The following DRC1 variants were observed in gnomAD, a reference collection of about 807,000 sequenced individuals.
The protein encoded by DRC1 is dynein regulatory complex protein 1.
In DRC1, 74 loss-of-function variants were observed where a neutral mutation model predicts 98.7. That is an observed-to-expected ratio of 0.75 (90% confidence interval 0.62 to 0.91). DRC1 has a LOEUF of 0.91. DRC1 is among the 40% of genes least tolerant of loss of function. DRC1 has a pLI of 0.00. For synonymous variants in DRC1, 336 were observed against 334.1 expected (o/e 1.01, Z -0.06); for missense variants, 875 against 886.0 (o/e 0.99, Z 0.16).
intron 8 of DRC1, among the ~76,000 whole-genome samples, chr2:26,441,936 A>G (rs1212186553): frequency 2.0e-5 from 3 of 152,232 alleles, no homozygotes; most frequent in Admixed American, 6.5e-5. Flanking sequence ...GCATTTCACA[A>G]TTTGACATAT....
intron 7 of DRC1, among the ~76,000 whole-genome samples, chr2:26,439,902 CT>C (rs1663666010): frequency 2.8e-5 from 1 of 35,696 alleles, no homozygotes; most frequent in Non-Finnish European, 8.5e-5. Context: ...GGCCCACAAG[CT>C]AGGGCCAACT....
chr2:26,402,952 C>T (rs907716807), intron 1 of DRC1, among the ~76,000 whole-genome samples: 28 of 152,220 alleles, frequency 1.8e-4, no homozygotes, highest in Admixed American at 8.5e-4. Flanking sequence ...CATATGGCCT[C>T]TTTCCTAGCT....
At chr2:26,430,959 T>TC in intron 6 of DRC1, 87 bp downstream of exon 6, 1 of 305,690 alleles carries the variant, frequency 3.3e-6, no homozygotes, top group Non-Finnish European at 4.1e-6. Flanking sequence ...TTTTTCTATC[T>TC]TTTTTTTTTT....
chr2:26,416,150 T>C (rs1330127302), intron 2 of DRC1, among the ~76,000 whole-genome samples: 3 of 152,144 alleles, frequency 2.0e-5, no homozygotes, highest in Non-Finnish European at 4.4e-5. Flanking sequence ...CAAGGAGAAA[T>C]GTACACAAAA....
chr2:26,418,579 TA>T (rs1296921986), intron 2 of DRC1, among the ~76,000 whole-genome samples: 54 of 104,988 alleles, frequency 5.1e-4, no homozygotes, highest in African/African-American at 2.3e-3. Context: ...ATATATTATA[TA>T]TAAATTATAT....
intron 4 of DRC1, among the ~76,000 whole-genome samples, 168 bp downstream of exon 4, chr2:26,424,622 A>C (rs1188316532): frequency 6.6e-6 from 1 of 152,218 alleles, no homozygotes; most frequent in Non-Finnish European, 1.5e-5. Context: ...TAAGAAACAC[A>C]TAGCATTAAA....
chr2:26,436,371 T>A (rs1195101403), intron 7 of DRC1, among the ~76,000 whole-genome samples: 1 of 152,166 alleles, frequency 6.6e-6, no homozygotes, highest in African/African-American at 2.4e-5. Context: ...TGCAGTGGCA[T>A]GATCTCGGCT....
At chr2:26,408,387 T>C (rs544033303) in intron 1 of DRC1, among the ~76,000 whole-genome samples, 1 of 152,232 alleles carries the variant, frequency 6.6e-6, no homozygotes, top group East Asian at 1.9e-4. Flanking sequence ...CACCAGTTCC[T>C]GGAATGGTGG....
intron 1 of DRC1, among the ~76,000 whole-genome samples, chr2:26,409,841 G>C (rs2147977204): frequency 6.6e-6 from 1 of 152,210 alleles, no homozygotes. Flanking sequence ...TCATGAGTCA[G>C]TAACTGAGGA....
At chr2:26,423,633 G>A (rs931583709) in intron 3 of DRC1, among the ~76,000 whole-genome samples, 7 of 152,174 alleles carry the variant, frequency 4.6e-5, no homozygotes, top group African/African-American at 1.4e-4. Flanking sequence ...CATTCCACTA[G>A]TCATTTATTG....
chr2:26,442,888 A>C (rs991669475), intron 8 of DRC1, among the ~76,000 whole-genome samples: 1 of 152,142 alleles, frequency 6.6e-6, no homozygotes, highest in Non-Finnish European at 1.5e-5. Flanking sequence ...TATCTTGCCC[A>C]GACCTTCAGT....
Position 26,425,851 on chromosome 2 carries a change from C to T in DRC1, c.540+1397C>T, listed in dbSNP as rs78727306. Reference sequence around the variant, plus strand: ...TGATTTTCAATTATGATTTCCTATTCCGTATATTGCCTTCTTAGTCTTGAT... The same window carrying T: ...TGATTTTCAATTATGATTTCCTATTTCGTATATTGCCTTCTTAGTCTTGAT... On this transcript the variant is annotated intron_variant, in intron 4 of 16. Transcript: ENST00000288710. Among the ~76,000 whole-genome samples the T allele has an allele frequency of 4.1e-3, 622 of 152,108 alleles. 4 individuals carry two copies. Among genetic ancestry groups the T allele is most frequent in the African/African-American group, 0.015 (604 of 41,498 alleles).
At position 26,440,269 on chromosome 2, in the gene DRC1, A is replaced by T; in HGVS notation, c.889-109A>T. 8 of 1,256,784 alleles carry T rather than the reference A, an allele frequency of 6.4e-6. No individual in the cohort carries two copies. In the South Asian group the frequency reaches 2.2e-4, roughly 35 times the overall value. The allele number at this position is 1,256,784 out of a possible 1,614,324, so 77.9% of individuals were successfully genotyped here. A position where few individuals can be genotyped will look rare whatever the true frequency, so the allele number is the denominator to read the frequency against. On this transcript the variant is annotated intron_variant, in intron 7 of 16. Coordinates refer to ENST00000288710, the MANE Select transcript of DRC1 (RefSeq NM_145038.5). ...AGCATGTTCCCCAAAAGACATTTTA[A>T]ATACTCTAGTGTATATAATACTAAG...
chr2:26,413,951 C>T (rs1002910354), intron 1 of DRC1, among the ~76,000 whole-genome samples: 2 of 151,578 alleles, frequency 1.3e-5, no homozygotes, highest in Admixed American at 1.3e-4. Flanking sequence ...GAGATAGTGT[C>T]TCTCTATGTT....
intron 2 of DRC1, among the ~76,000 whole-genome samples, chr2:26,417,979 T>A (rs1272488730): frequency 6.6e-6 from 1 of 152,118 alleles, no homozygotes; most frequent in African/African-American, 2.4e-5. Context: ...TATCTTCTAT[T>A]TTTTTCTTCC....
chr2:26,442,096 T>C (rs1157694688), intron 8 of DRC1, among the ~76,000 whole-genome samples: 1 of 152,198 alleles, frequency 6.6e-6, no homozygotes, highest in Non-Finnish European at 1.5e-5. Flanking sequence ...AGGGGAGGGA[T>C]GCTGTGTCCT....
At chr2:26,427,968 A>T (rs1663329383) in intron 4 of DRC1, among the ~76,000 whole-genome samples, 1 of 152,176 alleles carries the variant, frequency 6.6e-6, no homozygotes, top group African/African-American at 2.4e-5. Context: ...TGCTTTATCC[A>T]TTCATCTGCT....
intron 2 of DRC1, 43 bp downstream of exon 2, chr2:26,414,474 T>C: frequency 1.3e-6 from 2 of 1,571,952 alleles, no homozygotes; most frequent in Non-Finnish European, 1.7e-6. Flanking sequence ...ACCAGTGAGC[T>C]GGGTGTGACA....
At chr2:26,410,295 G>T (rs552697000) in intron 1 of DRC1, among the ~76,000 whole-genome samples, 1 of 148,990 alleles carries the variant, frequency 6.7e-6, no homozygotes, top group East Asian at 2.0e-4. Context: ...TTTTGATACG[G>T]AGTTTCACTC....
Sources: gnomAD v4.1 joint callset for allele counts (sites outside exome capture counted in the v4.1 genomes callset) on GRCh38, gnomAD v4.1.1 for gene constraint, MANE v1.5 for transcripts, NCBI Gene and HGNC (gene_info 2026-07-23, HGNC 2026-07-21) for gene names.